The following DBR1 variants were observed in gnomAD, a reference collection of about 807,000 sequenced individuals.
DBR1 encodes debranching RNA lariats 1.
Under a neutral mutation model 45.9 loss-of-function variants are expected in DBR1, and 33 were observed. The observed-to-expected ratio is 0.72, with a 90% CI of 0.55 to 0.96. DBR1 has a LOEUF of 0.96. Among genes scored for constraint, DBR1 ranks in the 40% least tolerant of loss-of-function variants. DBR1 has a pLI of 0.00. For missense variants in DBR1, 619 were observed against 667.4 expected, an observed-to-expected ratio of 0.93 and a Z score of 0.80; for synonymous variants, 235 against 235.9, an observed-to-expected ratio of 1.00 and a Z score of 0.04.
chr3:138,173,751 C>G, intron 1 of DBR1, 125 bp from the exon 2 acceptor site: 2 of 1,104,386 alleles, frequency 1.8e-6, no homozygotes, highest in Non-Finnish European at 2.5e-6. Context: ...AAGGAATTGC[C>G]TGGGGCTGGG....
chr3:138,171,808 C>G, intron 2 of DBR1, 95 bp from the exon 3 acceptor site: 1 of 913,048 alleles, frequency 1.1e-6, no homozygotes, highest in Non-Finnish European at 1.8e-6. Flanking sequence ...CCACACAGTT[C>G]TAAAATTATT....
chr3:138,163,191 C>T (rs1333984553), intron 7 of DBR1, among the ~76,000 whole-genome samples, 158 bp downstream of exon 7: 1 of 152,112 alleles, frequency 6.6e-6, no homozygotes, highest in Admixed American at 6.6e-5. Flanking sequence ...GCCCAGGAGG[C>T]AGAGGATGCA....
intron 5 of DBR1, among the ~76,000 whole-genome samples, chr3:138,165,565 T>A (rs748632442): frequency 1.3e-5 from 2 of 151,820 alleles, no homozygotes; most frequent in Admixed American, 6.6e-5. Context: ...CCGTCTCTAC[T>A]AAAAATAGAA....
In DBR1 at chr3:138,170,052, G is replaced by T. The variant is rs1313116757; in HGVS notation, c.489+55C>A. On this transcript the variant is annotated intron_variant, in intron 4 of 7. Transcript: ENST00000260803. ...ACCAATATGACCAAAATACATTTTG[G>T]CACAGAATTACTTTAAAATGTTTTC... 6.3e-6 allele frequency: 7 copies of T among 1,112,264 alleles called. No homozygotes were observed. The African/African-American group carries it at 1.1e-4, about 17-fold the overall frequency. 68.9% of individuals were successfully genotyped at this position (1,112,264 alleles called of 1,614,324 possible).
rs549926174 is a variant in DBR1, at chr3:138,172,418, C to A, written c.323-705G>T. On this transcript the variant is annotated intron_variant, in intron 2 of 7. Transcript: ENST00000260803. ...GGACAACATGGCCAAACTCAGTCTC[C>A]ACAAAAAAATACAAAAAAACAAAAA... Among the ~76,000 whole-genome samples the A allele has an allele frequency of 1.6e-4, 24 of 151,974 alleles. No homozygotes were observed. In the South Asian group the frequency reaches 4.8e-3, roughly 30 times the overall value.
At chr3:138,168,255 C>T (rs932686827) in intron 4 of DBR1, among the ~76,000 whole-genome samples, 34 of 152,176 alleles carry the variant, frequency 2.2e-4, no homozygotes, top group Admixed American at 6.5e-5. Flanking sequence ...CAGTGGCTCA[C>T]GCCTGTAATC....
At chr3:138,174,566 C>T (rs188369819) in intron 1 of DBR1, 33 bp downstream of exon 1, 3 of 1,539,488 alleles carry the variant, frequency 1.9e-6, no homozygotes, top group South Asian at 1.2e-5. Flanking sequence ...CCCACCCCCC[C>T]ACCGCCAAGT....
chr3:138,170,246 T>C lies in DBR1; in HGVS notation c.404-54A>G, dbSNP rs2042948297. Reference sequence around the variant, plus strand: ...ATTTAATTTCCTTAAATACTGCAAATACAAAGACATATACACAGGTCTCCA... The same window carrying C: ...ATTTAATTTCCTTAAATACTGCAAACACAAAGACATATACACAGGTCTCCA... On this transcript the variant is annotated intron_variant, in intron 3 of 7. Coordinates refer to ENST00000260803, the MANE Select transcript of DBR1 (RefSeq NM_016216.4). 5.5e-6 allele frequency: 6 copies of C among 1,100,674 alleles called. 1 individual carries two copies. In the Admixed American group the frequency reaches 1.2e-4, roughly 22 times the overall value. The allele number at this position is 1,100,674 out of a possible 1,614,324, so 68.2% of individuals were successfully genotyped here. A position where few individuals can be genotyped will look rare whatever the true frequency, so the allele number is the denominator to read the frequency against.
intron 5 of DBR1, among the ~76,000 whole-genome samples, chr3:138,164,872 C>G (rs2107902668): frequency 6.6e-6 from 1 of 152,324 alleles, no homozygotes; most frequent in South Asian, 2.1e-4. Context: ...GCCTCGAACT[C>G]CTGGCCTCAA....
At position 138,167,089 on chromosome 3, in the gene DBR1, G is replaced by C. The variant is rs1404953370; in HGVS notation, c.706C>G (p.Gln236Glu). The C allele has an allele frequency of 6.2e-7, 1 of 1,613,892 alleles. No homozygotes were observed. Among genetic ancestry groups the C allele is most frequent in the South Asian group, 1.1e-5 (1 of 91,062 alleles). The change falls in exon 5 of 8, where the codon CAG becomes GAG. Residue 236 changes from glutamine to glutamate, a missense_variant. Gln to Glu is a conservative substitution (Grantham distance 29, BLOSUM62 2). Transcript: ENST00000260803. ...HLHVKFAALM[Q>E]HQAKDKGQTA... is the part of the protein sequence containing the mutation. ...AACATTTTGTTTTCTACCTGATGCT[G>C]CATCAAGGCGGCAAACTTCACATGA...
rs368152097 is a variant in DBR1 at position 138,174,785 on chromosome 3, G to A, written c.11C>T (p.Ala4Val). Residue 4 changes from alanine (A) to valine (V), a missense_variant, in exon 1 of 8, where the codon GCT becomes GTT. By Grantham distance (64) the Ala-to-Val change is moderately conservative. Coordinates refer to ENST00000260803, the MANE Select transcript of DBR1 (RefSeq NM_016216.4). ...CTCGCCGTGGCAGCAGCCAGCCACAGCCACCCGCATTCTGCCGGCCTGAGG... is the reference window on the plus strand; with the variant it reads ...CTCGCCGTGGCAGCAGCCAGCCACAACCACCCGCATTCTGCCGGCCTGAGG... MRV[A>V]VAGCCHGELD... 27 of 1,611,310 alleles carry A rather than the reference G, an allele frequency of 1.7e-5. No individual in the cohort carries two copies. Among genetic ancestry groups the A allele is most frequent in the South Asian group, 3.3e-5 (3 of 90,778 alleles).
At chr3:138,172,338 C>T (rs2107906335) in intron 2 of DBR1, among the ~76,000 whole-genome samples, 1 of 152,304 alleles carries the variant, frequency 6.6e-6, no homozygotes, top group Non-Finnish European at 1.5e-5. Context: ...AATCCCACCA[C>T]TTTGGAGGCC....
intron 4 of DBR1, among the ~76,000 whole-genome samples, chr3:138,167,579 G>C (rs1463107750): frequency 6.6e-6 from 1 of 152,228 alleles, no homozygotes; most frequent in Non-Finnish European, 1.5e-5. Flanking sequence ...TAGACTGCCA[G>C]TCATCTAAGA....
intron 7 of DBR1, among the ~76,000 whole-genome samples, chr3:138,162,878 G>C (rs1247065604): frequency 1.3e-5 from 2 of 152,174 alleles, no homozygotes; most frequent in Non-Finnish European, 2.9e-5. Flanking sequence ...ATGCTCAACA[G>C]TCCATTTTCC....
At chr3:138,171,133 A>C (rs779596089) in intron 3 of DBR1, among the ~76,000 whole-genome samples, 21 of 152,204 alleles carry the variant, frequency 1.4e-4, no homozygotes, top group Non-Finnish European at 1.5e-4. Flanking sequence ...ATGAACTTTA[A>C]TTGTATCTAT....
intron 4 of DBR1, 90 bp from the exon 5 acceptor site, chr3:138,167,395 A>G (rs2042935463): frequency 1.2e-6 from 1 of 833,906 alleles, no homozygotes; most frequent in Non-Finnish European, 1.9e-6. Flanking sequence ...CCATACAACC[A>G]TTCACCCACT....
chr3:138,166,954 T>G, intron 5 of DBR1, 127 bp downstream of exon 5: 1 of 842,258 alleles, frequency 1.2e-6, no homozygotes, highest in Non-Finnish European at 1.9e-6. Context: ...TTTCCCAGAA[T>G]CATATATTGA....
chr3:138,173,228 C>T (rs2042963194), intron 2 of DBR1, among the ~76,000 whole-genome samples: 1 of 135,814 alleles, frequency 7.4e-6, no homozygotes, highest in African/African-American at 2.7e-5. Context: ...GTCTTTAATT[C>T]AATAAAAATT....
intron 5 of DBR1, among the ~76,000 whole-genome samples, chr3:138,164,646 C>T (rs1246406305): frequency 1.3e-5 from 2 of 152,036 alleles, no homozygotes; most frequent in Non-Finnish European, 2.9e-5. Context: ...TGGTTTTTTT[C>T]TTTTCTTTTC....
Sources: gnomAD v4.1 joint callset for allele counts (sites outside exome capture counted in the v4.1 genomes callset) on GRCh38, gnomAD v4.1.1 for gene constraint, MANE v1.5 for transcripts, NCBI Gene and HGNC (gene_info 2026-07-23, HGNC 2026-07-21) for gene names.